NEMP2: variants seen among roughly 807,000 people sequenced by gnomAD.
The protein encoded by NEMP2 is UPF0571 transmembrane protein.
Under a neutral mutation model 54.2 loss-of-function variants are expected in NEMP2, and 53 were observed. The observed-to-expected ratio is 0.98, with a 90% CI of 0.78 to 1.23. The LOEUF (loss-of-function observed/expected upper bound fraction) is 1.23, where lower values mean the gene tolerates loss of function less well. Ranked by LOEUF, NEMP2 falls within the 50% of genes most tolerant of loss-of-function variation. The pLI is 0.00. For synonymous variants in NEMP2, 197 were observed against 190.3 expected (o/e 1.04, Z -0.29); for missense variants, 455 against 511.3 (o/e 0.89, Z 1.06).
At chr2:190,578,930 A>G in the NEMP2 span, among the ~76,000 whole-genome samples, 2 of 152,088 alleles carry the variant, frequency 1.3e-5, no homozygotes, top group African/African-American at 4.8e-5. The surrounding 1 kb of genome is among the most constrained non-coding windows in gnomAD (Gnocchi z 4.4). Flanking sequence ...TGACCCCAGG[A>G]TGTTTGCCAG....
Position 190,529,892 on chromosome 2 carries a change from T to C in NEMP2, c.98-4514A>G, listed in dbSNP as rs1340303407. On this transcript the variant is annotated intron_variant, in intron 1 of 8. Coordinates refer to ENST00000409150, the MANE Select transcript of NEMP2 (RefSeq NM_001142645.2). The surrounding 1 kb of genome is among the most constrained non-coding windows in gnomAD (Gnocchi z 4.7). ...AGAACTGACAAAGCATGAGGGCCAG[T>C]CTGGAAGCCACAGGCTGCACTTCCC... Among the ~76,000 whole-genome samples, 1 of 152,174 alleles carries C rather than the reference T, an allele frequency of 6.6e-6. No homozygotes were observed. The highest frequency in any genetic ancestry group is 1.5e-5 in the Non-Finnish European group (1 of 68,032).
At chr2:190,502,797 G>A (rs571989187), downstream of NEMP2, among the ~76,000 whole-genome samples, 1 of 152,234 alleles carries the variant, frequency 6.6e-6, no homozygotes, top group East Asian at 1.9e-4. The surrounding 1 kb of genome is among the most constrained non-coding windows in gnomAD (Gnocchi z 4.4). Flanking sequence ...TTGGGTGCTT[G>A]TAGTGTGCTG....
rs1691293333 is a variant in NEMP2 at position 190,534,546 on chromosome 2, G to GCC, written c.97+12_97+13insGG. ...CACGCACGCGCGCGCCGCCGCCGCCGGTCCCGGGTTACCTGATAACGCTGC... is the reference window on the plus strand; with the variant it reads ...CACGCACGCGCGCGCCGCCGCCGCCGCCGTCCCGGGTTACCTGATAACGCTGC... On this transcript the variant is annotated intron_variant, in intron 1 of 8. Transcript: ENST00000409150. 2 of 1,393,728 alleles carry GCC rather than the reference G, an allele frequency of 1.4e-6. No homozygotes were observed. The highest frequency in any genetic ancestry group is 1.9e-6 in the Non-Finnish European group (2 of 1,079,238). The allele number at this position is 1,393,728 out of a possible 1,614,324, so 86.3% of individuals were successfully genotyped here.
At position 190,534,287 on chromosome 2, in the gene NEMP2, T is replaced by G. The variant is rs12622496; in HGVS notation, c.97+272A>C. 1.3e-4 allele frequency: 157 copies of G among 1,163,592 alleles called. No homozygotes were observed. The East Asian group carries it at 5.2e-3, about 39-fold the overall frequency. The allele number at this position is 1,163,592 out of a possible 1,614,324, so 72.1% of individuals were successfully genotyped here. On this transcript the variant is annotated intron_variant, in intron 1 of 8. Transcript: ENST00000409150. ...AACCTCTCTGAGTTTCGGTTGCTTCTGTAAAACGAGGGAATTGGGCGACTG... is the reference window on the plus strand; with the variant it reads ...AACCTCTCTGAGTTTCGGTTGCTTCGGTAAAACGAGGGAATTGGGCGACTG...
the NEMP2 span, among the ~76,000 whole-genome samples, chr2:190,447,863 A>C: frequency 6.6e-6 from 1 of 152,248 alleles, no homozygotes; most frequent in Non-Finnish European, 1.5e-5. This position sits in a 1 kb window ranked among gnomAD's most constrained non-coding sequence, Gnocchi z 4.5. Flanking sequence ...CCTTGAAAAG[A>C]ACATCTTTGC....
the NEMP2 span, among the ~76,000 whole-genome samples, chr2:190,629,461 GA>G: frequency 6.6e-6 from 1 of 152,128 alleles, no homozygotes; most frequent in Non-Finnish European, 1.5e-5. Context: ...ATTGAAGCAA[GA>G]ACAAACATTA....
Position 190,519,329 on chromosome 2 carries a change from C to T in NEMP2, c.214-146G>A. 1.7e-6 allele frequency: 1 copy of T among 602,458 alleles called. No individual in the cohort carries two copies. The highest frequency in any genetic ancestry group is 4.5e-4 in the Middle Eastern group (1 of 2,232). The allele number at this position is 602,458 out of a possible 1,614,324, so 37.3% of individuals were successfully genotyped here. ...CTGTGCCTCCAGGGCTCAGGTGACC[C>T]TCCCACTTCAGCCTCCCAAGTAGCT... is the stretch of plus-strand genomic sequence containing the variant. On this transcript the variant is annotated intron_variant, in intron 2 of 8. Coordinates refer to ENST00000409150, the MANE Select transcript of NEMP2 (RefSeq NM_001142645.2). The surrounding 1 kb of genome is among the most constrained non-coding windows in gnomAD (Gnocchi z 5.4).
rs1441991434 is a variant in NEMP2 at position 190,520,232 on chromosome 2, A to G, written c.214-1049T>C. ...TACACCATTTTCTACTATGATTAAG[A>G]AAAAGCACTTCCTTTCTCTGGATCA... On this transcript the variant is annotated intron_variant, in intron 2 of 8. Transcript: ENST00000409150. This position sits in a 1 kb window ranked among gnomAD's most constrained non-coding sequence, Gnocchi z 5.4. Among the ~76,000 whole-genome samples, 1 of 152,200 alleles carries G rather than the reference A, an allele frequency of 6.6e-6. No individual in the cohort carries two copies. The highest frequency in any genetic ancestry group is 1.5e-5 in the Non-Finnish European group (1 of 68,038).
chr2:190,594,913 A>T, the NEMP2 span, among the ~76,000 whole-genome samples: 1 of 152,246 alleles, frequency 6.6e-6, no homozygotes, highest in Admixed American at 6.5e-5. This position sits in a 1 kb window ranked among gnomAD's most constrained non-coding sequence, Gnocchi z 5.6. Flanking sequence ...TTCCACTTCC[A>T]AATAAAAATA....
the NEMP2 span, among the ~76,000 whole-genome samples, chr2:190,647,525 T>C: frequency 1.3e-5 from 2 of 152,132 alleles, no homozygotes. Context: ...TTTATGTGTA[T>C]GTTAAAATGG....
At chr2:190,501,380 T>C (rs1352784601), downstream of NEMP2, 4 of 152,198 alleles carry the variant, frequency 2.6e-5, no homozygotes, top group African/African-American at 7.2e-5. Flanking sequence ...GACAATGTAA[T>C]GTATGCAACT....
In NEMP2 at chr2:190,513,978, A is replaced by G. The variant is rs954103691; in HGVS notation, c.953+475T>C. 2.6e-5 allele frequency among the ~76,000 whole-genome samples: 4 copies of G among 152,144 alleles called. No individual in the cohort carries two copies. Among genetic ancestry groups the G allele is most frequent in the African/African-American group, 9.7e-5 (4 of 41,432 alleles). On this transcript the variant is annotated intron_variant, in intron 7 of 8. Transcript: ENST00000409150. This position sits in a 1 kb window ranked among gnomAD's most constrained non-coding sequence, Gnocchi z 5.3. ...TAGAGGTTACTTCATTTTTCTTTTTATACTCCAAAGGCCATAAGCCTTAAC... is the reference window on the plus strand; with the variant it reads ...TAGAGGTTACTTCATTTTTCTTTTTGTACTCCAAAGGCCATAAGCCTTAAC...
At chr2:190,648,475 G>A in the NEMP2 span, 2 of 149,490 alleles carry the variant, frequency 1.3e-5, no homozygotes, top group African/African-American at 2.5e-5. Context: ...CCCCGCCTCT[G>A]CCCCGAGCCT....
chr2:190,509,102 A>C lies in NEMP2; in HGVS notation c.*87T>G. The stretch of plus-strand genomic sequence containing the variant: ...ACAGCAAATGTTTTTGCCACCGTTC[A>C]CTAGAACAGTTCTGCCTAACTTTAA... On this transcript the variant is annotated 3_prime_UTR_variant, in exon 9 of 9. Coordinates refer to ENST00000409150, the MANE Select transcript of NEMP2 (RefSeq NM_001142645.2). The surrounding 1 kb of genome is among the most constrained non-coding windows in gnomAD (Gnocchi z 6.1). The C allele has an allele frequency of 6.7e-7, 1 of 1,503,508 alleles. No homozygotes were observed. Among genetic ancestry groups the C allele is most frequent in the Non-Finnish European group, 8.9e-7 (1 of 1,121,740 alleles). 93.1% of individuals were successfully genotyped at this position (1,503,508 alleles called of 1,614,324 possible). A position where few individuals can be genotyped will look rare whatever the true frequency, so the allele number is the denominator to read the frequency against.
the NEMP2 span, among the ~76,000 whole-genome samples, chr2:190,619,753 G>A: frequency 6.6e-6 from 1 of 152,240 alleles, no homozygotes; most frequent in African/African-American, 2.4e-5. This position sits in a 1 kb window ranked among gnomAD's most constrained non-coding sequence, Gnocchi z 5.5. Context: ...GCCAGGGGCA[G>A]AACTTATTGG....
the NEMP2 span, chr2:190,464,986 T>C: frequency 1.3e-6 from 1 of 784,672 alleles, no homozygotes; most frequent in Non-Finnish European, 1.5e-6. Flanking sequence ...CTAACTACAC[T>C]GTTAGGAATT....
At chr2:190,532,139 TC>T (rs1370810587) in intron 1 of NEMP2, among the ~76,000 whole-genome samples, 1 of 152,166 alleles carries the variant, frequency 6.6e-6, no homozygotes, top group Non-Finnish European at 1.5e-5. Flanking sequence ...AACCAACAAG[TC>T]TTAACTTGTG....
chr2:190,440,665 C>T, the NEMP2 span, among the ~76,000 whole-genome samples: 7 of 152,196 alleles, frequency 4.6e-5, no homozygotes, highest in Non-Finnish European at 1.0e-4. Context: ...AATTTATTTA[C>T]ATTTTAAGGG....
the NEMP2 span, among the ~76,000 whole-genome samples, chr2:190,621,113 ACATATAGT>A: frequency 1.3e-5 from 2 of 152,276 alleles, no homozygotes; most frequent in African/African-American, 4.8e-5. Flanking sequence ...AAGAAGATCT[ACATATAGT>A]CATAAGTTGT....
Sources: gnomAD v4.1 joint callset for allele counts (sites outside exome capture counted in the v4.1 genomes callset) on GRCh38, gnomAD v4.1.1 for gene constraint, Gnocchi (gnomAD v3.1) non-coding constraint, MANE v1.5 for transcripts, NCBI Gene and HGNC (gene_info 2026-07-23, HGNC 2026-07-21) for gene names.